HSDL1: variants seen among roughly 807,000 people sequenced by gnomAD.
The protein encoded by HSDL1 is hydroxysteroid dehydrogenase like 1.
HSDL1 carries 29 observed loss-of-function variants against 31.5 expected under a neutral mutation model. That is an observed-to-expected ratio of 0.92 (90% CI 0.69 to 1.26). The LOEUF is 1.26. Among genes scored for constraint, HSDL1 ranks in the 50% most tolerant of loss-of-function variants. The probability of loss-of-function intolerance (pLI) is 0.00; values close to 1 mark genes in which losing one functional copy is unlikely to be tolerated. For synonymous variants in HSDL1, 222 were observed against 155.2 expected (o/e 1.43, Z -3.20); for missense variants, 503 against 416.6 (o/e 1.21, Z -1.81).
intron 1 of HSDL1, among the ~76,000 whole-genome samples, chr16:84,141,070 G>A (rs532326729): frequency 2.8e-5 from 4 of 145,202 alleles, no homozygotes; most frequent in South Asian, 2.1e-4. Context: ...CCGCCTGGGC[G>A]ACAGAACGAG....
At chr16:84,131,530 T>A (rs77541680) in intron 2 of HSDL1, among the ~76,000 whole-genome samples, 23,515 of 146,198 alleles carry the variant, frequency 0.16, 2,166 homozygotes, top group Non-Finnish European at 0.22. Flanking sequence ...TCTATCTATC[T>A]ATCAGACAGA....
At position 84,129,647 on chromosome 16, in the gene HSDL1, G is replaced by C. The variant is rs774868299; in HGVS notation, c.795C>G (p.Cys265Trp). The change falls in exon 5 of 6, where the codon TGC (cysteine) becomes TGG (tryptophan). Residue 265 changes from cysteine (C) to tryptophan (W), a missense_variant. Transcript: ENST00000219439. Reference sequence around the variant, plus strand: ...CTTTTGGCGAAGGCACCAACCACGAGCACCTGTGCAGAAAGTTGCTGGGTG... The same window carrying C: ...CTTTTGGCGAAGGCACCAACCACGACCACCTGTGCAGAAAGTTGCTGGGTG... ...MTAPSNFLHR[C>W]SWLVPSPKVY... 1 of 1,614,202 alleles carries C rather than the reference G, an allele frequency of 6.2e-7. No homozygotes were observed. The highest frequency in any genetic ancestry group is 2.2e-5 in the East Asian group (1 of 44,882).
In HSDL1 at chr16:84,129,843, G is replaced by C. The variant is rs1012952546; in HGVS notation, c.667-68C>G. ...AACTTGAAAATTCAGGAGAAAAAAAGACTTGCTTATTATCAATTCAGGAAA... is the reference window on the plus strand; with the variant it reads ...AACTTGAAAATTCAGGAGAAAAAAACACTTGCTTATTATCAATTCAGGAAA... On this transcript the variant is annotated intron_variant, in intron 4 of 5. Coordinates refer to ENST00000219439, the MANE Select transcript of HSDL1 (RefSeq NM_031463.5). 8 of 1,440,700 alleles carry C rather than the reference G, an allele frequency of 5.6e-6. No individual in the cohort carries two copies. In the South Asian group the frequency reaches 8.6e-5, roughly 15 times the overall value. The allele number at this position is 1,440,700 out of a possible 1,614,324, so 89.2% of individuals were successfully genotyped here.
At chr16:84,130,465 A>G (rs1231116507) in intron 3 of HSDL1, 34 bp from the exon 4 acceptor site, 1 of 1,558,056 alleles carries the variant, frequency 6.4e-7, no homozygotes, top group Admixed American at 1.8e-5. Context: ...GAGCATGTGT[A>G]TTTCACGGTG....
intron 5 of HSDL1, among the ~76,000 whole-genome samples, chr16:84,126,868 G>A (rs907139357): frequency 5.9e-5 from 9 of 152,172 alleles, no homozygotes; most frequent in African/African-American, 2.2e-4. Context: ...AAAAATGATA[G>A]TGTTGAAAAT....
At chr16:84,131,765 G>A (rs1045506054) in intron 2 of HSDL1, among the ~76,000 whole-genome samples, 6 of 147,862 alleles carry the variant, frequency 4.1e-5, no homozygotes, top group African/African-American at 1.3e-4. Context: ...TGCAGGCTCC[G>A]CCCCCTGGGG....
chr16:84,133,563 C>T (rs1264450355), intron 2 of HSDL1, among the ~76,000 whole-genome samples: 1 of 152,168 alleles, frequency 6.6e-6, no homozygotes, highest in Non-Finnish European at 1.5e-5. Context: ...AACCTCGTCT[C>T]TATTAAAAAT....
At chr16:84,130,823 A>G (rs1420766047) in intron 3 of HSDL1, 1 of 413,164 alleles carries the variant, frequency 2.4e-6, no homozygotes, top group Admixed American at 4.1e-5. Context: ...GACAATTTTA[A>G]AACAGAGAAC....
At position 84,122,338 on chromosome 16, in the gene HSDL1, T is replaced by G. The variant is rs1448195395; in HGVS notation, c.*2292A>C. 6.6e-6 allele frequency: 1 copy of G among 152,336 alleles called. No individual in the cohort carries two copies. Among genetic ancestry groups the G allele is most frequent in the Non-Finnish European group, 1.5e-5 (1 of 68,036 alleles). 9.4% of individuals were successfully genotyped at this position (152,336 alleles called of 1,614,324 possible). A position where few individuals can be genotyped will look rare whatever the true frequency, so the allele number is the denominator to read the frequency against. On this transcript the variant is annotated 3_prime_UTR_variant, in exon 6 of 6. Transcript: ENST00000219439. ...TAAACTTTCAATTCACAGATTAACT[T>G]TCAAAGGTTCATATTTCCCACGTTC...
chr16:84,123,079 G>T lies in HSDL1; in HGVS notation c.*1551C>A, dbSNP rs913420195. On this transcript the variant is annotated 3_prime_UTR_variant, in exon 6 of 6. Coordinates refer to ENST00000219439, the MANE Select transcript of HSDL1 (RefSeq NM_031463.5). Reference sequence around the variant, plus strand: ...CCAAGCAAACTCCATCAAAACCTTGGGGCTCACAGCATCTCCCAGTGTGTA... The same window carrying T: ...CCAAGCAAACTCCATCAAAACCTTGTGGCTCACAGCATCTCCCAGTGTGTA... 2.0e-5 allele frequency: 3 copies of T among 152,106 alleles called. No homozygotes were observed. The highest frequency in any genetic ancestry group is 7.2e-5 in the African/African-American group (3 of 41,414). 9.4% of individuals were successfully genotyped at this position (152,106 alleles called of 1,614,324 possible).
At chr16:84,126,054 G>A (rs2086603424) in intron 5 of HSDL1, among the ~76,000 whole-genome samples, 1 of 147,970 alleles carries the variant, frequency 6.8e-6, no homozygotes, top group African/African-American at 2.5e-5. Flanking sequence ...AGTGAGCCGA[G>A]ATCGCGGCAC....
At position 84,131,288 on chromosome 16, in the gene HSDL1, T is replaced by C; in HGVS notation, c.34A>G (p.Arg12Gly). ...AAVDSFYLLY[R>G]EIARSCNCYM... The stretch of plus-strand genomic sequence containing the variant: ...CAATTGCAAGACCTGGCGATTTCCC[T>C]GTACAAGAGGTAGAAACTGTCAACA... Residue 12 changes from arginine to glycine, a missense_variant, in exon 3 of 6, where the codon AGG becomes GGG. By Grantham distance (125) the Arg-to-Gly change is moderately radical. Coordinates refer to ENST00000219439, the MANE Select transcript of HSDL1 (RefSeq NM_031463.5). 6.2e-7 allele frequency: 1 copy of C among 1,614,090 alleles called. No individual in the cohort carries two copies. The highest frequency in any genetic ancestry group is 8.5e-7 in the Non-Finnish European group (1 of 1,180,006).
At chr16:84,137,633 C>G (rs1227463356) in intron 1 of HSDL1, among the ~76,000 whole-genome samples, 1 of 152,240 alleles carries the variant, frequency 6.6e-6, no homozygotes, top group Non-Finnish European at 1.5e-5. Context: ...CACATTCACT[C>G]ACACCCTGAT....
chr16:84,132,947 G>C (rs958711393), intron 2 of HSDL1, among the ~76,000 whole-genome samples: 2 of 150,350 alleles, frequency 1.3e-5, no homozygotes, highest in South Asian at 2.1e-4. Context: ...ACTTCTGGGG[G>C]TGGCAACTTT....
chr16:84,138,903 T>C (rs1364038818), intron 1 of HSDL1, among the ~76,000 whole-genome samples: 1 of 152,192 alleles, frequency 6.6e-6, no homozygotes, highest in Non-Finnish European at 1.5e-5. Context: ...GCCTGTAACA[T>C]GATCCCACTC....
chr16:84,130,762 A>G lies in HSDL1; in HGVS notation c.221-331T>C, dbSNP rs116159297. On this transcript the variant is annotated intron_variant, in intron 3 of 5. Transcript: ENST00000219439. ...TTTTCTGGGAAATCTTCATAAATTA[A>G]AATGAAATTCAAAATAGGTGAAGCA... 2.2e-3 allele frequency among the ~76,000 whole-genome samples: 331 copies of G among 152,350 alleles called. 3 individuals carry two copies. Among genetic ancestry groups the G allele is most frequent in the African/African-American group, 7.3e-3 (303 of 41,576 alleles).
chr16:84,138,570 T>C (rs2086735103), intron 1 of HSDL1, among the ~76,000 whole-genome samples: 1 of 152,250 alleles, frequency 6.6e-6, no homozygotes, highest in Non-Finnish European at 1.5e-5. Flanking sequence ...AATCATGTTG[T>C]ACACCTTAAA....
rs1410911689 is a variant in HSDL1 at position 84,124,087 on chromosome 16, C to G, written c.*543G>C. On this transcript the variant is annotated 3_prime_UTR_variant, in exon 6 of 6. Transcript: ENST00000219439. ...CACACACACGCACACACACGGTTCT[C>G]TAATGAAATACCAGTTGAAGTGCAG... is the stretch of plus-strand genomic sequence containing the variant. 1 of 153,898 alleles carries G rather than the reference C, an allele frequency of 6.5e-6. No individual in the cohort carries two copies. Among genetic ancestry groups the G allele is most frequent in the East Asian group, 1.9e-4 (1 of 5,234 alleles). The allele number at this position is 153,898 out of a possible 1,614,324, so 9.5% of individuals were successfully genotyped here.
In HSDL1 at chr16:84,130,307, G is replaced by A. The variant is rs932980681; in HGVS notation, c.345C>T (p.Tyr115=). Residue 115 remains tyrosine, a synonymous_variant, in exon 4 of 6, where the codon TAC becomes TAT. Transcript: ENST00000219439. ...CAACTATAATATCAGTTTCCACTTT[G>A]TACGTGTCGGCTATGTCTTTAGCAA... ...QVVAKDIADT[Y]KVETDIIVAD... The A allele has an allele frequency of 2.5e-6, 4 of 1,614,202 alleles. No homozygotes were observed. The highest frequency in any genetic ancestry group is 4.5e-5 in the East Asian group (2 of 44,886).
Sources: allele counts gnomAD v4.1 joint callset (sites outside exome capture counted in the v4.1 genomes callset), GRCh38; gene constraint gnomAD v4.1.1; transcripts MANE v1.5; gene names NCBI Gene and HGNC (gene_info 2026-07-23, HGNC 2026-07-21).